MAPK10: variants seen among roughly 807,000 people sequenced by gnomAD.
The protein encoded by MAPK10 is JNK3 alpha protein kinase.
A neutral mutation model predicts 59.3 loss-of-function variants in MAPK10; 25 were observed. That is an observed-to-expected ratio of 0.42 (90% confidence interval 0.31 to 0.59). The LOEUF (loss-of-function observed/expected upper bound fraction) is 0.59, where lower values mean the gene tolerates loss of function less well. MAPK10 is among the 20% of genes least tolerant of loss of function. MAPK10 has a pLI of 0.15. For synonymous variants in MAPK10, 190 were observed against 200.5 expected, an observed-to-expected ratio of 0.95 and a Z score of 0.44; for missense variants, 351 against 568.9, an observed-to-expected ratio of 0.62 and a Z score of 3.90.
intron 9 of MAPK10, among the ~76,000 whole-genome samples, chr4:86,089,723 G>A (rs951877445): frequency 6.6e-6 from 1 of 151,920 alleles, no homozygotes; most frequent in Non-Finnish European, 1.5e-5. Context: ...CCTCAAAAGA[G>A]TTTCTTTTAT....
rs1159031441 is a variant in MAPK10 at position 86,010,601 on chromosome 4, T to C, written c.*6627A>G. 5 of 152,228 alleles carry C rather than the reference T, an allele frequency of 3.3e-5. No individual in the cohort carries two copies. The highest frequency in any genetic ancestry group is 1.2e-4 in the African/African-American group (5 of 41,464). 9.4% of individuals were successfully genotyped at this position (152,228 alleles called of 1,614,324 possible). On this transcript the variant is annotated 3_prime_UTR_variant, in exon 14 of 14. Coordinates refer to ENST00000641462, the MANE Select transcript of MAPK10 (RefSeq NM_138982.4). ...ATTTACACCAAATCCAAGTTCGCAA[T>C]GTATTAACATGAAGGAATAGGCCAT... is the stretch of plus-strand genomic sequence containing the variant.
chr4:86,084,291 CAACTT>C (rs2051292196), intron 9 of MAPK10, among the ~76,000 whole-genome samples: 1 of 152,150 alleles, frequency 6.6e-6, no homozygotes, highest in Non-Finnish European at 1.5e-5. Flanking sequence ...CTGGGCCACT[CAACTT>C]GGAAAAGAAG....
chr4:86,570,715 A>C (rs1016744914), intron 1 of MAPK10, among the ~76,000 whole-genome samples: 2 of 152,178 alleles, frequency 1.3e-5, no homozygotes, highest in Non-Finnish European at 2.9e-5. Flanking sequence ...AATAACTTGA[A>C]GTAAGGAAGA....
chr4:86,329,384 T>A (rs1279000206), intron 2 of MAPK10, among the ~76,000 whole-genome samples: 1 of 152,228 alleles, frequency 6.6e-6, no homozygotes, highest in Non-Finnish European at 1.5e-5. Context: ...GGTTCTACCC[T>A]TTTTTATATT....
chr4:86,468,998 A>G (rs1752442916), intron 1 of MAPK10, among the ~76,000 whole-genome samples: 4 of 152,198 alleles, frequency 2.6e-5, no homozygotes. Flanking sequence ...GAAAGTGGGA[A>G]TGTTAAATCT....
rs1377117644 is a variant in MAPK10 at position 86,037,584 on chromosome 4, T to C, written c.1111-6153A>G. ...TTTTATCCCATATATATAAGTAATATTCATTGAGTAAAATGTGTGAATTTA... is the reference window on the plus strand; with the variant it reads ...TTTTATCCCATATATATAAGTAATACTCATTGAGTAAAATGTGTGAATTTA... On this transcript the variant is annotated intron_variant, in intron 11 of 13. Coordinates refer to ENST00000641462, the MANE Select transcript of MAPK10 (RefSeq NM_138982.4). Among the ~76,000 whole-genome samples the C allele has an allele frequency of 3.3e-5, 5 of 152,292 alleles. No individual in the cohort carries two copies. In the East Asian group the frequency reaches 7.7e-4, roughly 23 times the overall value.
chr4:86,159,270 A>C, intron 4 of MAPK10, 28 bp downstream of exon 4: 5 of 1,560,932 alleles, frequency 3.2e-6, no homozygotes, highest in Non-Finnish European at 4.3e-6. Flanking sequence ...TGTTCCCTTT[A>C]AAAATACAGC....
intron 2 of MAPK10, among the ~76,000 whole-genome samples, chr4:86,320,919 G>C (rs2095875999): frequency 6.6e-6 from 1 of 152,092 alleles, no homozygotes; most frequent in Admixed American, 6.6e-5. Flanking sequence ...CAAAAAGTGG[G>C]TGAAGGACAT....
intron 1 of MAPK10, among the ~76,000 whole-genome samples, chr4:86,492,843 G>A (rs1259482053): frequency 6.6e-6 from 1 of 152,140 alleles, no homozygotes; most frequent in Admixed American, 6.5e-5. Context: ...TGGAAATGAA[G>A]GCACCCAAAA....
At chr4:86,549,927 T>G (rs1028898659) in intron 1 of MAPK10, among the ~76,000 whole-genome samples, 1 of 152,146 alleles carries the variant, frequency 6.6e-6, no homozygotes, top group South Asian at 2.1e-4. Context: ...ACATTATACC[T>G]TAAAAGTCAG....
intron 4 of MAPK10, among the ~76,000 whole-genome samples, chr4:86,141,117 G>T (rs1202866505): frequency 6.6e-6 from 1 of 152,154 alleles, no homozygotes; most frequent in Non-Finnish European, 1.5e-5. Flanking sequence ...CAGCTTATTT[G>T]TGACTTAGGT....
chr4:86,566,843 G>A (rs951932766), intron 1 of MAPK10, among the ~76,000 whole-genome samples: 1 of 152,112 alleles, frequency 6.6e-6, no homozygotes, highest in Non-Finnish European at 1.5e-5. Flanking sequence ...GTCAAGGCTG[G>A]AGAATCACTT....
chr4:86,523,145 C>T lies in MAPK10; in HGVS notation c.-263+70765G>A, dbSNP rs1319428966. Among the ~76,000 whole-genome samples, 4 of 152,050 alleles carry T rather than the reference C, an allele frequency of 2.6e-5. No individual in the cohort carries two copies. The East Asian group carries it at 7.7e-4, about 29-fold the overall frequency. ...ATTATTAATACCTTTATTATTATTA[C>T]CTTTATGTTTATTAATAGGTATATC... On this transcript the variant is annotated intron_variant, in intron 1 of 4. Coordinates refer to the MAPK10 transcript ENST00000502302.
At chr4:86,144,309 A>G (rs906383819) in intron 4 of MAPK10, among the ~76,000 whole-genome samples, 1 of 152,194 alleles carries the variant, frequency 6.6e-6, no homozygotes, top group Admixed American at 6.5e-5. Context: ...CAGAAATATT[A>G]CTTTATAAGA....
chr4:86,085,141 C>T (rs1275985857), intron 9 of MAPK10, among the ~76,000 whole-genome samples: 1 of 152,152 alleles, frequency 6.6e-6, no homozygotes, highest in Admixed American at 6.5e-5. Context: ...AATTATCAAT[C>T]TTCTTTAAGA....
chr4:86,211,140 AAG>A (rs747079507), intron 2 of MAPK10, among the ~76,000 whole-genome samples: 1 of 151,766 alleles, frequency 6.6e-6, no homozygotes, highest in Non-Finnish European at 1.5e-5. Flanking sequence ...TCAAAAGAAG[AAG>A]AGAGAGAGAG....
chr4:86,334,848 A>C (rs1351621485), intron 2 of MAPK10, among the ~76,000 whole-genome samples: 1 of 152,140 alleles, frequency 6.6e-6, no homozygotes, highest in Non-Finnish European at 1.5e-5. Context: ...AAATAATTGG[A>C]AACTGTGATA....
chr4:86,206,766 T>C (rs1582798285), intron 2 of MAPK10, among the ~76,000 whole-genome samples: 2 of 152,176 alleles, frequency 1.3e-5, no homozygotes, highest in Non-Finnish European at 2.9e-5. Flanking sequence ...TATCTCATTG[T>C]GGTTTTGATT....
intron 2 of MAPK10, among the ~76,000 whole-genome samples, chr4:86,330,945 T>C (rs1386996517): frequency 6.6e-6 from 1 of 152,210 alleles, no homozygotes; most frequent in African/African-American, 2.4e-5. Context: ...AAATACTTTA[T>C]CCTTTTCATC....
Sources: gnomAD v4.1 joint callset for allele counts (sites outside exome capture counted in the v4.1 genomes callset) on GRCh38, gnomAD v4.1.1 for gene constraint, MANE v1.5 for transcripts, NCBI Gene and HGNC (gene_info 2026-07-23, HGNC 2026-07-21) for gene names.